DMD: variants seen among roughly 807,000 people sequenced by gnomAD.
The protein encoded by DMD is dystrophin.
A neutral mutation model predicts 330.1 loss-of-function variants in DMD; 63 were observed. That is an observed-to-expected ratio of 0.19 (90% CI 0.16 to 0.24). The LOEUF (loss-of-function observed/expected upper bound fraction) is 0.24. Among genes scored for constraint, DMD ranks in the 10% least tolerant of loss-of-function variants. DMD has a pLI of 1.00. For missense variants in DMD, 3,344 were observed against 2,684.1 expected, an observed-to-expected ratio of 1.25 and a Z score of -5.43; for synonymous variants, 1,223 against 959.8, an observed-to-expected ratio of 1.27 and a Z score of -5.07.
intron 63 of DMD, among the ~76,000 whole-genome samples, chrX:31,227,472 C>T (rs7052688): frequency 0.22 from 24,876 of 111,018 alleles, 3,358 homozygotes; most frequent in African/African-American, 0.51. Flanking sequence ...CAGTTTTCCA[C>T]GCACCAAAGT....
At chrX:32,425,606 C>T (rs1038117744) in intron 29 of DMD, among the ~76,000 whole-genome samples, 6 of 111,461 alleles carry the variant, frequency 5.4e-5, no homozygotes, top group Non-Finnish European at 9.4e-5. Context: ...ATTTGCCCTG[C>T]TCATTTTCTC....
At chrX:32,163,953 G>A (rs934797502) in intron 44 of DMD, among the ~76,000 whole-genome samples, 1 of 111,159 alleles carries the variant, frequency 9.0e-6, no homozygotes, top group Non-Finnish European at 1.9e-5. Flanking sequence ...TCAAGACTAC[G>A]GATTTTCTGT....
chrX:31,551,026 A>G (rs1156292105), intron 55 of DMD, among the ~76,000 whole-genome samples: 1 of 110,708 alleles, frequency 9.0e-6, no homozygotes. Context: ...CTAAAAATAC[A>G]AAAATTAGTT....
chrX:31,852,462 T>C (rs753295943), intron 48 of DMD, among the ~76,000 whole-genome samples: 1 of 112,018 alleles, frequency 8.9e-6, no homozygotes, highest in Non-Finnish European at 1.9e-5. Context: ...GCTGCCTTCC[T>C]AAGTCCTTAC....
chrX:32,281,822 GTTTC>G (rs1172476596), intron 43 of DMD, among the ~76,000 whole-genome samples: 1 of 110,607 alleles, frequency 9.0e-6, no homozygotes, highest in African/African-American at 3.3e-5. Context: ...TTTTTTAGAG[GTTTC>G]TTTTTTTGCT....
At chrX:31,198,023 TAAAAAAAAAAA>T (rs61065027) in intron 67 of DMD, among the ~76,000 whole-genome samples, 2 of 64,927 alleles carry the variant, frequency 3.1e-5, no homozygotes, top group Admixed American at 4.2e-4. Flanking sequence ...GTGTGGGAGC[TAAAAAAAAAAA>T]AAAAAAAAAA....
chrX:31,870,513 C>T (rs931592467), intron 48 of DMD, among the ~76,000 whole-genome samples: 2 of 112,086 alleles, frequency 1.8e-5, no homozygotes, highest in Non-Finnish European at 3.8e-5. Context: ...ACTAACTCAT[C>T]TCAGCACTTA....
chrX:32,575,282 T>A (rs777738707), intron 13 of DMD, among the ~76,000 whole-genome samples: 12 of 111,731 alleles, frequency 1.1e-4, no homozygotes, highest in African/African-American at 3.9e-4. Flanking sequence ...AATACACGCA[T>A]GGGTAAACAG....
intron 30 of DMD, among the ~76,000 whole-genome samples, chrX:32,394,916 C>CAAAAAAACAAAAAAAAAAACAAAAAAA (rs2098030887): frequency 5.1e-5 from 2 of 39,034 alleles, no homozygotes; most frequent in African/African-American, 1.6e-4. Context: ...AACAAAAAAA[C>CAAAAAAACAAAAAAAAAAACAAAAAAA]AAAAAAAAAA....
intron 55 of DMD, among the ~76,000 whole-genome samples, chrX:31,546,924 A>G (rs1165113827): frequency 8.9e-6 from 1 of 112,809 alleles, no homozygotes; most frequent in African/African-American, 3.2e-5. Context: ...ATGAACGGCT[A>G]TTGAAAGATA....
intron 44 of DMD, among the ~76,000 whole-genome samples, chrX:32,004,733 T>TC (rs922187567): frequency 9.9e-5 from 11 of 111,654 alleles, no homozygotes; most frequent in Non-Finnish European, 1.9e-4. Context: ...ACTTTTTTTT[T>TC]CTGCCAAACA....
At chrX:31,608,761 G>T (rs543093393) in intron 55 of DMD, among the ~76,000 whole-genome samples, 1 of 110,751 alleles carries the variant, frequency 9.0e-6, no homozygotes, top group Non-Finnish European at 1.9e-5. Context: ...ATCTCTTAAG[G>T]CCTAGGCTGA....
chrX:32,178,192 G>A (rs1327636534), intron 44 of DMD, among the ~76,000 whole-genome samples: 2 of 71,206 alleles, frequency 2.8e-5, no homozygotes, highest in African/African-American at 1.2e-4. Context: ...AAAGTCTCAA[G>A]ACCATTTTTT....
At chrX:32,287,858 T>TG (rs1343862869) in intron 42 of DMD, among the ~76,000 whole-genome samples, 157 bp from the exon 43 acceptor site, 1 of 110,668 alleles carries the variant, frequency 9.0e-6, no homozygotes, top group Non-Finnish European at 1.9e-5. Flanking sequence ...TCCAGTGACT[T>TG]TGACATGTTC....
At position 32,785,026 on chromosome X, in the gene DMD, G is replaced by A. The variant is rs1308106293; in HGVS notation, c.649+24467C>T. On this transcript the variant is annotated intron_variant, in intron 7 of 78. Coordinates refer to ENST00000357033, the MANE Select transcript of DMD (RefSeq NM_004006.3). ...TTCTACTGAACAAAGTAAGCCTGGG[G>A]CACATAACTTTAAAATGCTTATGTA... Among the ~76,000 whole-genome samples the A allele has an allele frequency of 4.5e-5, 5 of 109,979 alleles. No individual in the cohort carries two copies. In the East Asian group the frequency reaches 1.1e-3, roughly 25 times the overall value.
chrX:32,861,868 G>A (rs2082099473), intron 2 of DMD, among the ~76,000 whole-genome samples: 1 of 111,518 alleles, frequency 9.0e-6, no homozygotes, highest in Non-Finnish European at 1.9e-5. Context: ...AGACATGGAA[G>A]CAAATTTCCT....
At chrX:32,081,512 T>C (rs776822019) in intron 44 of DMD, among the ~76,000 whole-genome samples, 15 of 112,236 alleles carry the variant, frequency 1.3e-4, no homozygotes, top group African/African-American at 4.9e-4. Context: ...CTTGAATATG[T>C]ATTGGTCCAG....
intron 56 of DMD, among the ~76,000 whole-genome samples, chrX:31,498,989 G>A (rs2070143448): frequency 8.9e-6 from 1 of 111,777 alleles, no homozygotes; most frequent in Non-Finnish European, 1.9e-5. Context: ...CTGTTTAATA[G>A]CATGTAATGT....
intron 2 of DMD, among the ~76,000 whole-genome samples, chrX:32,927,214 A>C (rs1398465102): frequency 9.0e-6 from 1 of 110,860 alleles, no homozygotes; most frequent in African/African-American, 3.3e-5. Context: ...ATTCCAGCCC[A>C]CTCTGAATCT....
Sources: gnomAD v4.1 joint callset for allele counts (sites outside exome capture counted in the v4.1 genomes callset) on GRCh38, gnomAD v4.1.1 for gene constraint, MANE v1.5 for transcripts, NCBI Gene and HGNC (gene_info 2026-07-23, HGNC 2026-07-21) for gene names.